AFG1L: variants seen among roughly 807,000 people sequenced by gnomAD.
AFG1L encodes the protein AFG1 like ATPase.
A neutral mutation model predicts 62.2 loss-of-function variants in AFG1L; 53 were observed. The observed-to-expected ratio is 0.85, with a 90% CI of 0.68 to 1.07. The LOEUF (loss-of-function observed/expected upper bound fraction) is 1.07. Ranked by LOEUF, AFG1L falls within the 50% of genes least tolerant of loss-of-function variation. AFG1L has a pLI of 0.00. For missense variants in AFG1L, 555 were observed against 590.5 expected (o/e 0.94, Z 0.62); for synonymous variants, 228 against 210.3 (o/e 1.08, Z -0.73).
At chr6:108,473,073 A>G (rs1208647816) in intron 8 of AFG1L, among the ~76,000 whole-genome samples, 3 of 152,098 alleles carry the variant, frequency 2.0e-5, no homozygotes, top group Admixed American at 6.5e-5. Flanking sequence ...AAGTGCCAGG[A>G]TTCTAGGCAT....
intron 7 of AFG1L, among the ~76,000 whole-genome samples, chr6:108,442,052 G>A (rs80113431): frequency 0.023 from 3,508 of 152,196 alleles, 47 homozygotes; most frequent in Non-Finnish European, 0.038. Context: ...TTATATGACT[G>A]TATTGTGACA....
At chr6:108,483,560 C>G (rs1351032141) in intron 10 of AFG1L, among the ~76,000 whole-genome samples, 1 of 152,122 alleles carries the variant, frequency 6.6e-6, no homozygotes. Context: ...CCTGAATTTT[C>G]CTTGTTGAGA....
chr6:108,517,092 A>G (rs577441196), intron 11 of AFG1L, among the ~76,000 whole-genome samples: 2 of 152,116 alleles, frequency 1.3e-5, no homozygotes, highest in African/African-American at 2.4e-5. Flanking sequence ...GTAATTTATA[A>G]ATTCAATGCC....
intron 6 of AFG1L, among the ~76,000 whole-genome samples, chr6:108,394,998 G>A (rs949787285): frequency 6.6e-6 from 1 of 152,006 alleles, no homozygotes; most frequent in Admixed American, 6.6e-5. Flanking sequence ...ACTCATTAGA[G>A]GTGTTTATTA....
At chr6:108,422,483 A>AAAAAAAAAAAAAAAG in intron 7 of AFG1L, among the ~76,000 whole-genome samples, 1 of 145,468 alleles carries the variant, frequency 6.9e-6, no homozygotes. Flanking sequence ...TCAGCAAAAA[A>AAAAAAAAAAAAAAAG]AAAAAAAAAA....
chr6:108,440,335 CT>C (rs904689792), intron 7 of AFG1L, among the ~76,000 whole-genome samples: 9 of 151,664 alleles, frequency 5.9e-5, no homozygotes, highest in African/African-American at 2.2e-4. Flanking sequence ...CACCCAGCTA[CT>C]TTTTGTATTT....
chr6:108,399,181 T>TG (rs1781448886), intron 6 of AFG1L, among the ~76,000 whole-genome samples: 1 of 15,398 alleles, frequency 6.5e-5, no homozygotes, highest in Admixed American at 7.5e-4. Context: ...TTTGTTTGTT[T>TG]TTTTTTTTTT....
chr6:108,451,251 G>A (rs1456891069), intron 8 of AFG1L, among the ~76,000 whole-genome samples: 1 of 152,174 alleles, frequency 6.6e-6, no homozygotes, highest in Non-Finnish European at 1.5e-5. Flanking sequence ...TAATGAAACA[G>A]AAATATTAAT....
At chr6:108,409,093 G>C (rs1240947987) in intron 7 of AFG1L, among the ~76,000 whole-genome samples, 1 of 152,026 alleles carries the variant, frequency 6.6e-6, no homozygotes, top group Non-Finnish European at 1.5e-5. Context: ...TGATGCAAGG[G>C]TACATCTATT....
chr6:108,468,881 G>C (rs1260808124), intron 8 of AFG1L, among the ~76,000 whole-genome samples: 1 of 149,520 alleles, frequency 6.7e-6, no homozygotes, highest in East Asian at 2.0e-4. Context: ...TGCCTTTGTT[G>C]TTCTTTTGGT....
chr6:108,483,993 T>A (rs951703068), intron 10 of AFG1L, among the ~76,000 whole-genome samples: 4 of 152,210 alleles, frequency 2.6e-5, no homozygotes, highest in African/African-American at 9.6e-5. Flanking sequence ...GTGAAACCAC[T>A]GATTGGGAGC....
chr6:108,360,135 A>G (rs1212792872), intron 5 of AFG1L, among the ~76,000 whole-genome samples: 1 of 152,158 alleles, frequency 6.6e-6, no homozygotes, highest in Non-Finnish European at 1.5e-5. Context: ...CAGAAAACCC[A>G]ACTTAAAAGG....
chr6:108,373,903 G>A (rs1780127419), intron 6 of AFG1L, among the ~76,000 whole-genome samples: 1 of 152,084 alleles, frequency 6.6e-6, no homozygotes, highest in South Asian at 2.1e-4. Flanking sequence ...AGTTTTTTGA[G>A]ATGTCTCCAA....
intron 6 of AFG1L, among the ~76,000 whole-genome samples, chr6:108,395,618 TCTCAAACTCCTGGG>T (rs1231190380): frequency 6.6e-6 from 1 of 151,946 alleles, no homozygotes; most frequent in Non-Finnish European, 1.5e-5. Flanking sequence ...CCCAGGCTGG[TCTCAAACTCCTGGG>T]CTCAAACAAT....
At chr6:108,363,207 T>C (rs1167588576) in intron 5 of AFG1L, among the ~76,000 whole-genome samples, 2 of 152,200 alleles carry the variant, frequency 1.3e-5, no homozygotes, top group Non-Finnish European at 2.9e-5. Context: ...TCTTCCTTAC[T>C]AAGTGTAGAA....
At chr6:108,297,176 G>A (rs1554266552) in intron 1 of AFG1L, among the ~76,000 whole-genome samples, 2 of 151,868 alleles carry the variant, frequency 1.3e-5, no homozygotes, top group East Asian at 1.9e-4. Context: ...GTACAATCTC[G>A]GCTCACTGCA....
intron 1 of AFG1L, among the ~76,000 whole-genome samples, chr6:108,320,402 G>A (rs981934273): frequency 6.6e-6 from 1 of 152,134 alleles, no homozygotes. Flanking sequence ...AGCTCTGGCT[G>A]GTGAGCATAA....
chr6:108,494,563 C>T (rs370379423), intron 10 of AFG1L, among the ~76,000 whole-genome samples: 32 of 152,068 alleles, frequency 2.1e-4, no homozygotes, highest in African/African-American at 7.5e-4. Context: ...CAAAACTTTC[C>T]CTCAGCACTC....
intron 1 of AFG1L, among the ~76,000 whole-genome samples, chr6:108,297,163 A>G (rs768726970): frequency 2.0e-5 from 3 of 151,858 alleles, no homozygotes; most frequent in Non-Finnish European, 2.9e-5. Context: ...CTGGAGTGCA[A>G]TGGTACAATC....
Sources: gnomAD v4.1 joint callset for allele counts (sites outside exome capture counted in the v4.1 genomes callset) on GRCh38, gnomAD v4.1.1 for gene constraint, MANE v1.5 for transcripts, NCBI Gene and HGNC (gene_info 2026-07-23, HGNC 2026-07-21) for gene names.